Variants in RNF10 observed in about 807,000 individuals in gnomAD.
RNF10 encodes ring finger protein 10.
RNF10 carries 38 observed loss-of-function variants against 91.4 expected under a neutral mutation model. That is an observed-to-expected ratio of 0.42 (90% confidence interval 0.32 to 0.54). The LOEUF (loss-of-function observed/expected upper bound fraction) is 0.54, where lower values mean the gene tolerates loss of function less well. Among genes scored for constraint, RNF10 ranks in the 20% least tolerant of loss-of-function variants. The pLI, the probability that RNF10 is intolerant of heterozygous loss-of-function variation, is 0.16. For missense variants in RNF10, 945 were observed against 1,012.0 expected, an observed-to-expected ratio of 0.93 and a Z score of 0.90; for synonymous variants, 364 against 366.3, an observed-to-expected ratio of 0.99 and a Z score of 0.07.
At chr12:120,542,262 A>G (rs992479926) in intron 1 of RNF10, among the ~76,000 whole-genome samples, 4 of 152,050 alleles carry the variant, frequency 2.6e-5, no homozygotes, top group African/African-American at 7.2e-5. Flanking sequence ...GGCTTAAGCA[A>G]TCCTTCCAAC....
intron 14 of RNF10, chr12:120,574,566 GGA>G: frequency 1.1e-5 from 5 of 455,954 alleles, no homozygotes; most frequent in Admixed American, 7.0e-5. Flanking sequence ...AGCGGTGTCA[GGA>G]GAGAGTTTAG....
intron 13 of RNF10, among the ~76,000 whole-genome samples, chr12:120,568,770 C>T (rs1876155494): frequency 6.6e-6 from 1 of 151,986 alleles, no homozygotes; most frequent in Admixed American, 6.6e-5. Flanking sequence ...GCTACTGTGC[C>T]CAGCCTGTTT....
At chr12:120,537,083 A>C (rs1255740679) in intron 1 of RNF10, among the ~76,000 whole-genome samples, 1 of 152,200 alleles carries the variant, frequency 6.6e-6, no homozygotes, top group African/African-American at 2.4e-5. Flanking sequence ...CTATAATCCC[A>C]GCACTTTGGG....
chr12:120,537,488 C>T (rs1301640878), intron 1 of RNF10, among the ~76,000 whole-genome samples: 6 of 151,882 alleles, frequency 4.0e-5, no homozygotes, highest in African/African-American at 1.2e-4. Flanking sequence ...ATTAGTCCGG[C>T]GTGGTGGTGC....
intron 2 of RNF10, among the ~76,000 whole-genome samples, chr12:120,550,622 A>T (rs1306353281): frequency 6.6e-6 from 1 of 151,406 alleles, no homozygotes; most frequent in Non-Finnish European, 1.5e-5. Context: ...TTTTGGACGA[A>T]GTCTCGCTCT....
chr12:120,556,014 C>T (rs4767914), intron 4 of RNF10, among the ~76,000 whole-genome samples: 39,567 of 151,202 alleles, frequency 0.26, 5,949 homozygotes, highest in East Asian at 0.5. Context: ...GTCTCAAACT[C>T]CCAGCTTCAA....
intron 2 of RNF10, 132 bp from the exon 3 acceptor site, chr12:120,552,367 T>C (rs1408137501): frequency 2.7e-6 from 2 of 727,684 alleles, no homozygotes; most frequent in African/African-American, 1.8e-5. Context: ...GCCATTGCAC[T>C]CCAGCCTGGA....
intron 13 of RNF10, among the ~76,000 whole-genome samples, chr12:120,567,942 T>TA (rs1237584155): frequency 6.7e-6 from 1 of 149,310 alleles, no homozygotes; most frequent in Non-Finnish European, 1.5e-5. Context: ...GGGGAGGAAA[T>TA]AAAAAAATAT....
chr12:120,561,221 G>A (rs957452667), intron 7 of RNF10, among the ~76,000 whole-genome samples: 2 of 152,130 alleles, frequency 1.3e-5, no homozygotes, highest in Non-Finnish European at 2.9e-5. Context: ...AGAGTTCTTT[G>A]TTTTCTGGGA....
chr12:120,567,057 C>G (rs1030590087), intron 13 of RNF10, 77 bp downstream of exon 13: 3 of 1,426,796 alleles, frequency 2.1e-6, no homozygotes, highest in Non-Finnish European at 2.9e-6. Context: ...TTTACAACCC[C>G]GGCCCACTCA....
Position 120,565,521 on chromosome 12 carries a change from A to C in RNF10, c.1877A>C (p.Gln626Pro). ...RRIEIEENKK[Q>P]GKYPEVHIPL... ...ATTGAGATAGAGGAGAACAAGAAAC[A>C]GGGCAAGTGTAAGTTCAGGAACTTT... The change falls in exon 12 of 17, where the codon CAG becomes CCG. Residue 626 changes from glutamine (Q) to proline (P), a missense_variant. By Grantham distance (76) the Gln-to-Pro change is moderately conservative. Coordinates refer to ENST00000325954, the MANE Select transcript of RNF10 (RefSeq NM_014868.5). The C allele has an allele frequency of 6.2e-7, 1 of 1,613,842 alleles. No individual in the cohort carries two copies. Among genetic ancestry groups the C allele is most frequent in the African/African-American group, 1.3e-5 (1 of 75,020 alleles).
intron 9 of RNF10, 41 bp downstream of exon 9, chr12:120,563,664 G>A: frequency 3.8e-6 from 6 of 1,570,978 alleles, no homozygotes; most frequent in Non-Finnish European, 5.2e-6. Flanking sequence ...CCGCAGAGGT[G>A]TTTCAGAGGT....
At chr12:120,554,855 T>G (rs1409149164) in intron 4 of RNF10, 47 bp downstream of exon 4, 1 of 1,438,418 alleles carries the variant, frequency 7.0e-7, no homozygotes, top group Admixed American at 1.7e-5. Context: ...GAGCACTAAA[T>G]AAAGGCACTG....
intron 13 of RNF10, 31 bp from the exon 14 acceptor site, chr12:120,571,160 G>A (rs774728097): frequency 6.0e-6 from 9 of 1,492,582 alleles, no homozygotes; most frequent in Non-Finnish European, 7.5e-6. Context: ...GGAACGTGAC[G>A]AATATAATCA....
chr12:120,570,559 T>C (rs1876475641), intron 13 of RNF10, among the ~76,000 whole-genome samples: 1 of 152,172 alleles, frequency 6.6e-6, no homozygotes, highest in African/African-American at 2.4e-5. Context: ...GTACTGACCA[T>C]GTGAGGGCCT....
Position 120,552,746 on chromosome 12 carries a change from A to G in RNF10, c.554+48A>G, listed in dbSNP as rs543245228. On this transcript the variant is annotated intron_variant, in intron 3 of 16. Transcript: ENST00000325954. ...GGAAAGGGAAAGTAGGACTCTCCGG[A>G]TAGCTGTGGTGCCTCTGTGAGAGGC... is the stretch of plus-strand genomic sequence containing the variant. 4.5e-6 allele frequency: 7 copies of G among 1,545,190 alleles called. No homozygotes were observed. In the South Asian group the frequency reaches 8.0e-5, roughly 18 times the overall value.
chr12:120,562,847 T>C, intron 7 of RNF10, 98 bp from the exon 8 acceptor site: 1 of 1,467,818 alleles, frequency 6.8e-7, no homozygotes, highest in East Asian at 2.3e-5. Context: ...CCTTTTAACT[T>C]TTGGTCCTGT....
chr12:120,547,943 G>T (rs1274006663), intron 2 of RNF10, among the ~76,000 whole-genome samples: 1 of 152,138 alleles, frequency 6.6e-6, no homozygotes, highest in Non-Finnish European at 1.5e-5. Context: ...GGTGAGTGAT[G>T]GAGGTGGTGA....
intron 2 of RNF10, among the ~76,000 whole-genome samples, chr12:120,550,591 G>C (rs1374128230): frequency 6.6e-6 from 1 of 150,798 alleles, no homozygotes; most frequent in Non-Finnish European, 1.5e-5. Flanking sequence ...GCGTTTTTTT[G>C]TTTTTTGTTT....
Sources: allele counts gnomAD v4.1 joint callset (sites outside exome capture counted in the v4.1 genomes callset), GRCh38; gene constraint gnomAD v4.1.1; transcripts MANE v1.5; gene names NCBI Gene and HGNC (gene_info 2026-07-23, HGNC 2026-07-21).